Variants in PPP6R3 observed in about 807,000 individuals in gnomAD.
The protein encoded by PPP6R3 is protein phosphatase 6 regulatory subunit 3, also known as serine/threonine-protein phosphatase 6 regulatory subunit 3.
In PPP6R3, 38 loss-of-function variants were observed where a neutral mutation model predicts 110.7. The ratio of observed to expected loss-of-function variants is 0.34; its 90% CI spans 0.26 to 0.45. The LOEUF (loss-of-function observed/expected upper bound fraction) is 0.45, where lower values mean the gene tolerates loss of function less well. PPP6R3 is among the 20% of genes least tolerant of loss of function. The probability of loss-of-function intolerance (pLI) is 1.00; values close to 1 mark genes in which losing one functional copy is unlikely to be tolerated. For missense variants in PPP6R3, 870 were observed against 1,062.4 expected (o/e 0.82, Z 2.52); for synonymous variants, 369 against 373.5 (o/e 0.99, Z 0.14).
intron 23 of PPP6R3, among the ~76,000 whole-genome samples, chr11:68,611,896 G>GC (rs1286109980): frequency 6.6e-6 from 1 of 152,218 alleles, no homozygotes; most frequent in Non-Finnish European, 1.5e-5. Context: ...CCTTGGATTG[G>GC]CAGGCGCGCT....
intron 23 of PPP6R3, 74 bp from the exon 24 acceptor site, chr11:68,612,992 G>T (rs1275518072): frequency 6.2e-7 from 1 of 1,610,046 alleles, no homozygotes; most frequent in Non-Finnish European, 8.5e-7. Flanking sequence ...TGCCCTTGGG[G>T]AGCTCAGCTA....
At chr11:68,562,550 G>A (rs937919315) in intron 8 of PPP6R3, among the ~76,000 whole-genome samples, 5 of 152,232 alleles carry the variant, frequency 3.3e-5, no homozygotes, top group Non-Finnish European at 5.9e-5. Context: ...TCAGGACAGT[G>A]TGGTGAAAGA....
chr11:68,601,830 C>A (rs1424061061), intron 20 of PPP6R3, 33 bp from the exon 21 acceptor site: 1 of 1,548,342 alleles, frequency 6.5e-7, no homozygotes. Flanking sequence ...CCATTCCCTG[C>A]TGCTAATATC....
intron 2 of PPP6R3, among the ~76,000 whole-genome samples, chr11:68,521,860 T>C (rs1448042777): frequency 6.6e-6 from 1 of 152,214 alleles, no homozygotes; most frequent in African/African-American, 2.4e-5. Context: ...TTCTTTATTC[T>C]AGGGGGATAA....
At chr11:68,548,263 C>T in intron 5 of PPP6R3, 59 bp downstream of exon 5, 1 of 1,591,556 alleles carries the variant, frequency 6.3e-7, no homozygotes, top group Non-Finnish European at 8.6e-7. Context: ...GTGAGCCCAC[C>T]AGGCTGCTGT....
rs555381830 is a variant in PPP6R3, at chr11:68,601,874, C to G, written c.2204C>G (p.Ser735Cys). The change falls in exon 21 of 24, where the codon TCT (serine) becomes TGT (cysteine). Residue 735 changes from serine (S) to cysteine (C), a missense_variant. Coordinates refer to ENST00000393800, the MANE Select transcript of PPP6R3 (RefSeq NM_001164161.2). ...CTCTTTTTTGAAAGCACAAAAGATT[C>G]TTTAAGGAGTAATTCTCCAGTGGAA... is the stretch of plus-strand genomic sequence containing the variant. ...EFTSSLSTKD[S>C]LRSNSPVEME... 19 of 1,612,792 alleles carry G rather than the reference C, an allele frequency of 1.2e-5. No individual in the cohort carries two copies. The highest frequency in any genetic ancestry group is 1.7e-4 in the Middle Eastern group (1 of 6,054).
At chr11:68,497,606 C>T (rs1198289533) in intron 1 of PPP6R3, among the ~76,000 whole-genome samples, 1 of 152,194 alleles carries the variant, frequency 6.6e-6, no homozygotes, top group Non-Finnish European at 1.5e-5. Context: ...CTGCCTGCCT[C>T]GGCCTCCCAA....
intron 10 of PPP6R3, among the ~76,000 whole-genome samples, chr11:68,567,919 C>T (rs2099485194): frequency 6.6e-6 from 1 of 151,954 alleles, no homozygotes; most frequent in Non-Finnish European, 1.5e-5. Flanking sequence ...CCTGGGTGAT[C>T]TCCAGGACCC....
chr11:68,530,199 C>T (rs1248455670), intron 2 of PPP6R3, among the ~76,000 whole-genome samples: 1 of 152,092 alleles, frequency 6.6e-6, no homozygotes, highest in Non-Finnish European at 1.5e-5. Flanking sequence ...TTAGACGGGT[C>T]TGACTTGGAT....
At chr11:68,537,316 T>A (rs1024067873) in intron 2 of PPP6R3, among the ~76,000 whole-genome samples, 5 of 152,200 alleles carry the variant, frequency 3.3e-5, no homozygotes, top group Non-Finnish European at 7.3e-5. Flanking sequence ...GCTGAAGATA[T>A]TCTGTTTTTC....
intron 1 of PPP6R3, among the ~76,000 whole-genome samples, chr11:68,472,954 A>C (rs572631831): frequency 2.0e-5 from 3 of 152,330 alleles, no homozygotes; most frequent in South Asian, 2.1e-4. Context: ...ATAGTGTTCA[A>C]TTGTATGGAT....
At chr11:68,528,439 G>GC (rs974420980) in intron 2 of PPP6R3, among the ~76,000 whole-genome samples, 22 of 145,602 alleles carry the variant, frequency 1.5e-4, no homozygotes, top group Non-Finnish European at 3.0e-4. Flanking sequence ...TGTGTGGGGG[G>GC]GGGGGCTGCA....
intron 23 of PPP6R3, among the ~76,000 whole-genome samples, 199 bp downstream of exon 23, chr11:68,610,222 C>G (rs768354001): frequency 1.2e-4 from 18 of 152,166 alleles, no homozygotes; most frequent in Non-Finnish European, 2.5e-4. Context: ...CAGTTCCTCT[C>G]CTTAGCGCAG....
intron 1 of PPP6R3, among the ~76,000 whole-genome samples, chr11:68,511,517 G>C (rs1183678187): frequency 9.1e-6 from 1 of 109,608 alleles, no homozygotes; most frequent in African/African-American, 3.4e-5. Flanking sequence ...GTCTCACCCT[G>C]TTGCCCAGGC....
Position 68,564,376 on chromosome 11 carries a change from G to A in PPP6R3, c.919G>A (p.Glu307Lys). ...TTGTTCAGTAAACAAGAGTGTTCTAGAAGCCATCAGAGGAAGACTTGGATC... is the reference window on the plus strand; with the variant it reads ...TTGTTCAGTAAACAAGAGTGTTCTAAAAGCCATCAGAGGAAGACTTGGATC... ...SACSVNKSVL[E>K]AIRGRLGSFH... The change falls in exon 9 of 24, where the codon GAA (glutamate) becomes AAA (lysine). Residue 307 changes from glutamate to lysine, a missense_variant. By Grantham distance (56) the Glu-to-Lys change is moderately conservative. Coordinates refer to ENST00000393800, the MANE Select transcript of PPP6R3 (RefSeq NM_001164161.2). 1 of 1,613,702 alleles carries A rather than the reference G, an allele frequency of 6.2e-7. No individual in the cohort carries two copies. Among genetic ancestry groups the A allele is most frequent in the Non-Finnish European group, 8.5e-7 (1 of 1,179,566 alleles).
chr11:68,581,025 C>T (rs1459225428), intron 14 of PPP6R3, among the ~76,000 whole-genome samples: 1 of 152,132 alleles, frequency 6.6e-6, no homozygotes. Flanking sequence ...CCCGCCTCGG[C>T]CTCCCAAAGT....
intron 19 of PPP6R3, 39 bp from the exon 20 acceptor site, chr11:68,600,302 T>C: frequency 6.3e-7 from 1 of 1,590,446 alleles, no homozygotes; most frequent in Non-Finnish European, 8.6e-7. Context: ...ATGAAACGAC[T>C]GAAGTGTTTT....
At chr11:68,501,073 A>G (rs945872752) in intron 1 of PPP6R3, among the ~76,000 whole-genome samples, 5 of 151,948 alleles carry the variant, frequency 3.3e-5, no homozygotes, top group African/African-American at 1.2e-4. Flanking sequence ...TGCTGTTGTT[A>G]GTTTTTTCAT....
rs536297749 is a variant in PPP6R3, at chr11:68,484,546, T to C, written c.-158+23719T>C. Among the ~76,000 whole-genome samples the C allele has an allele frequency of 2.0e-4, 31 of 151,604 alleles. No homozygotes were observed. In the East Asian group the frequency reaches 3.7e-3, roughly 18 times the overall value. On this transcript the variant is annotated intron_variant, in intron 1 of 23. Transcript: ENST00000393800. ...ATTTTTTAATCAGGTTGTTCATTTT[T>C]TTGAGTTTTAAGTGTCTATATATAT...
Sources: allele counts gnomAD v4.1 joint callset (sites outside exome capture counted in the v4.1 genomes callset), GRCh38; gene constraint gnomAD v4.1.1; transcripts MANE v1.5; gene names NCBI Gene and HGNC (gene_info 2026-07-23, HGNC 2026-07-21).